Variants in GALNT13 observed in about 807,000 individuals in gnomAD.
The protein encoded by GALNT13 is polypeptide N-acetylgalactosaminyltransferase 13, also known as UDP-GalNAc:polypeptide N-acetylgalactosaminyltransferase 13.
Under a neutral mutation model 64.2 loss-of-function variants are expected in GALNT13, and 28 were observed. The observed-to-expected ratio is 0.44, with a 90% CI of 0.32 to 0.60. The LOEUF (loss-of-function observed/expected upper bound fraction) is 0.60, where lower values mean the gene tolerates loss of function less well. GALNT13 is among the 20% of genes least tolerant of loss of function. The pLI is 0.05. For synonymous variants in GALNT13, 214 were observed against 224.6 expected, an observed-to-expected ratio of 0.95 and a Z score of 0.42; for missense variants, 577 against 669.8, an observed-to-expected ratio of 0.86 and a Z score of 1.53.
intron 6 of GALNT13, 102 bp downstream of exon 6, chr2:154,243,007 G>T: frequency 1.1e-6 from 1 of 948,190 alleles, no homozygotes; most frequent in Non-Finnish European, 1.6e-6. Flanking sequence ...ATTTTTAGAA[G>T]GTTTATTTTA....
the GALNT13 span, among the ~76,000 whole-genome samples, chr2:153,748,296 C>A: frequency 6.6e-6 from 1 of 152,042 alleles, no homozygotes; most frequent in South Asian, 2.1e-4. Context: ...TCATACCCAG[C>A]AGTGGGATTG....
the GALNT13 span, among the ~76,000 whole-genome samples, chr2:153,242,248 C>T: frequency 2.6e-5 from 4 of 152,070 alleles, no homozygotes; most frequent in African/African-American, 9.7e-5. Flanking sequence ...TCTATTCTGG[C>T]TTATTATTTG....
chr2:154,333,559 T>C (rs576718931), intron 9 of GALNT13, among the ~76,000 whole-genome samples: 1 of 152,094 alleles, frequency 6.6e-6, no homozygotes, highest in Non-Finnish European at 1.5e-5. Context: ...CAAAAACAAA[T>C]TGCACATCTT....
At chr2:154,407,199 T>C (rs1699586192) in intron 10 of GALNT13, among the ~76,000 whole-genome samples, 2 of 152,134 alleles carry the variant, frequency 1.3e-5, no homozygotes, top group Admixed American at 1.3e-4. Flanking sequence ...CTAGCAGAGA[T>C]TCTTCTAATC....
chr2:153,091,072 C>T, the GALNT13 span, among the ~76,000 whole-genome samples: 2 of 152,042 alleles, frequency 1.3e-5, no homozygotes, highest in African/African-American at 4.8e-5. Context: ...GGCGGTGTCT[C>T]CTGTGCTTCT....
the GALNT13 span, among the ~76,000 whole-genome samples, chr2:153,582,175 T>C: frequency 6.6e-6 from 1 of 152,184 alleles, no homozygotes; most frequent in Non-Finnish European, 1.5e-5. Flanking sequence ...ATGTTTACCA[T>C]GGAAATACAG....
intron 8 of GALNT13, among the ~76,000 whole-genome samples, chr2:154,289,336 G>A (rs1229956500): frequency 6.6e-6 from 1 of 152,228 alleles, no homozygotes; most frequent in East Asian, 1.9e-4. Context: ...TACTATATTA[G>A]TCCATTCTCA....
At chr2:153,750,125 A>G in the GALNT13 span, among the ~76,000 whole-genome samples, 1 of 151,904 alleles carries the variant, frequency 6.6e-6, no homozygotes, top group Non-Finnish European at 1.5e-5. Context: ...ACAATGTATC[A>G]CACTGATTAA....
In GALNT13 at chr2:154,171,495, T is replaced by G. The variant is rs151159926; in HGVS notation, c.311+30990T>G. ...TTGTCAAATCAGGTATTAGTCCCAT[T>G]TTGCAGATGGGAAATATGAAATCCC... is the stretch of plus-strand genomic sequence containing the variant. On this transcript the variant is annotated intron_variant, in intron 4 of 12. Transcript: ENST00000392825. Among the ~76,000 whole-genome samples, 73 of 152,250 alleles carry G rather than the reference T, an allele frequency of 4.8e-4. No homozygotes were observed. The Middle Eastern group carries it at 0.01, about 21-fold the overall frequency.
chr2:154,416,316 G>T (rs1700004753), intron 11 of GALNT13, among the ~76,000 whole-genome samples: 1 of 151,880 alleles, frequency 6.6e-6, no homozygotes, highest in Non-Finnish European at 1.5e-5. Flanking sequence ...AGTTCATTGA[G>T]CCTTCTTCTT....
the GALNT13 span, among the ~76,000 whole-genome samples, chr2:153,408,344 C>A: frequency 0.29 from 44,549 of 151,592 alleles, 7,185 homozygotes; most frequent in Non-Finnish European, 0.37. Context: ...AGAAAATGAC[C>A]GGCATATGAT....
intron 2 of GALNT13, among the ~76,000 whole-genome samples, chr2:153,902,888 G>A (rs1688325719): frequency 6.6e-6 from 1 of 152,046 alleles, no homozygotes; most frequent in Admixed American, 6.6e-5. Context: ...GGGCCATTTA[G>A]TCAAGCTCCA....
the GALNT13 span, among the ~76,000 whole-genome samples, chr2:153,376,295 C>A: frequency 6.6e-6 from 1 of 152,148 alleles, no homozygotes; most frequent in Non-Finnish European, 1.5e-5. Context: ...GACTTGAGAA[C>A]TTAAACATCG....
the GALNT13 span, among the ~76,000 whole-genome samples, chr2:153,164,635 A>G: frequency 0.15 from 23,111 of 152,116 alleles, 1,911 homozygotes; most frequent in Non-Finnish European, 0.17. Flanking sequence ...TTTCATCTCC[A>G]AAAATTTTCT....
intron 9 of GALNT13, among the ~76,000 whole-genome samples, chr2:154,331,321 A>G (rs1331709587): frequency 6.6e-6 from 1 of 151,960 alleles, no homozygotes; most frequent in African/African-American, 2.4e-5. Context: ...TATTAAAAGC[A>G]CTCTTCATTG....
chr2:153,958,504 A>T (rs1692726991), intron 3 of GALNT13, among the ~76,000 whole-genome samples: 1 of 152,246 alleles, frequency 6.6e-6, no homozygotes, highest in South Asian at 2.1e-4. Context: ...TATTATTGCC[A>T]TACTAAATGA....
At chr2:153,418,774 C>G in the GALNT13 span, among the ~76,000 whole-genome samples, 1 of 152,078 alleles carries the variant, frequency 6.6e-6, no homozygotes, top group Non-Finnish European at 1.5e-5. Flanking sequence ...GGGAGGATGG[C>G]TTGACCCCGG....
the GALNT13 span, among the ~76,000 whole-genome samples, chr2:153,400,339 G>A: frequency 2.0e-5 from 3 of 152,290 alleles, no homozygotes; most frequent in Admixed American, 6.5e-5. Context: ...GTATTTTATT[G>A]AGGATTTGTG....
chr2:153,635,441 C>CATATATATATGTGTATATATATAT, the GALNT13 span, among the ~76,000 whole-genome samples: 8 of 129,860 alleles, frequency 6.2e-5, no homozygotes, highest in Admixed American at 7.7e-5. Context: ...TATATATATA[C>CATATATATATGTGTATATATATAT]ACACATATAT....
Sources: gnomAD v4.1 joint callset for allele counts (sites outside exome capture counted in the v4.1 genomes callset) on GRCh38, gnomAD v4.1.1 for gene constraint, MANE v1.5 for transcripts, NCBI Gene and HGNC (gene_info 2026-07-23, HGNC 2026-07-21) for gene names.